The following USH2A variants were observed in gnomAD, a reference collection of about 807,000 sequenced individuals.
USH2A encodes the protein Usher syndrome 2A (autosomal recessive, mild).
A neutral mutation model predicts 538.9 loss-of-function variants in USH2A; 443 were observed. The ratio of observed to expected loss-of-function variants is 0.82; its 90% CI spans 0.76 to 0.89. USH2A has a LOEUF of 0.89. USH2A is among the 40% of genes least tolerant of loss of function. The probability of loss-of-function intolerance (pLI) is 0.00; values close to 1 mark genes in which losing one functional copy is unlikely to be tolerated. For synonymous variants in USH2A, 2,413 were observed against 2,273.5 expected (o/e 1.06, Z -1.75); for missense variants, 6,633 against 6,324.8 (o/e 1.05, Z -1.65).
At chr1:215,905,417 G>A (rs752020416) in intron 38 of USH2A, among the ~76,000 whole-genome samples, 4 of 152,016 alleles carry the variant, frequency 2.6e-5, no homozygotes, top group Non-Finnish European at 2.9e-5. Flanking sequence ...ACAAGACACT[G>A]AATACCACTC....
rs2031508696 is a variant in USH2A, at chr1:216,070,115, G to T, written c.6035C>A (p.Thr2012Lys). 6.2e-7 allele frequency: 1 copy of T among 1,614,002 alleles called. No individual in the cohort carries two copies. Among genetic ancestry groups the T allele is most frequent in the Non-Finnish European group, 8.5e-7 (1 of 1,179,908 alleles). ...MPSASAEFVN[T>K]SNLTGILTGL... ...ATTGCATTTACCTGTGAGGTTGCTT[G>T]TATTGACAAATTCAGCACTGGCAGA... The change falls in exon 30 of 72, where the codon ACA becomes AAA. Residue 2012 changes from threonine (T) to lysine (K), a missense_variant. Coordinates refer to ENST00000307340, the MANE Select transcript of USH2A (RefSeq NM_206933.4).
Position 216,061,361 on chromosome 1 carries a change from G to A in USH2A, c.6049+8740C>T, listed in dbSNP as rs887215691. On this transcript the variant is annotated intron_variant, in intron 30 of 71. Coordinates refer to ENST00000307340, the MANE Select transcript of USH2A (RefSeq NM_206933.4). Reference sequence around the variant, plus strand: ...TTACACTTAATTTTTGTCATCTTATGATATTCCTTTGCTAGTATTTTCTAT... The same window carrying A: ...TTACACTTAATTTTTGTCATCTTATAATATTCCTTTGCTAGTATTTTCTAT... Among the ~76,000 whole-genome samples, 3 of 152,022 alleles carry A rather than the reference G, an allele frequency of 2.0e-5. No homozygotes were observed. In the South Asian group the frequency reaches 6.2e-4, roughly 32 times the overall value.
chr1:216,312,209 C>T (rs1237759738), intron 9 of USH2A, among the ~76,000 whole-genome samples: 1 of 151,878 alleles, frequency 6.6e-6, no homozygotes, highest in African/African-American at 2.4e-5. Flanking sequence ...TATTTAACCA[C>T]TTTTCTTGCT....
intron 3 of USH2A, among the ~76,000 whole-genome samples, chr1:216,394,293 C>G (rs968567173): frequency 6.6e-6 from 1 of 151,092 alleles, no homozygotes; most frequent in African/African-American, 2.4e-5. Flanking sequence ...TAAACATACA[C>G]CTACCATGTG....
chr1:215,743,212 G>A lies in USH2A; in HGVS notation c.11513C>T (p.Thr3838Ile), dbSNP rs1168773052. The A allele has an allele frequency of 6.2e-7, 1 of 1,612,014 alleles. No homozygotes were observed. Among genetic ancestry groups the A allele is most frequent in the African/African-American group, 1.3e-5 (1 of 74,582 alleles). ...STLLENLTPF[T>I]QYEIRIQACQ... ...TGCTTGTATCCTTATCTCATACTGT[G>A]TGAATGGAGTCAAATTTTCCAGAAG... Residue 3838 changes from threonine to isoleucine, a missense_variant, in exon 59 of 72, where the codon ACA (threonine) becomes ATA (isoleucine). By Grantham distance (89) the Thr-to-Ile change is moderately conservative. Transcript: ENST00000307340.
At chr1:216,392,007 G>A (rs1355661977) in intron 3 of USH2A, among the ~76,000 whole-genome samples, 1 of 152,082 alleles carries the variant, frequency 6.6e-6, no homozygotes, top group African/African-American at 2.4e-5. Context: ...TTCATTCAGT[G>A]ATACATGTAA....
At chr1:215,961,271 T>C (rs1336803946) in intron 37 of USH2A, among the ~76,000 whole-genome samples, 1 of 151,894 alleles carries the variant, frequency 6.6e-6, no homozygotes, top group Non-Finnish European at 1.5e-5. Flanking sequence ...ATATGTAAAA[T>C]GTATATATTA....
intron 4 of USH2A, among the ~76,000 whole-genome samples, chr1:216,350,662 G>A (rs780056226): frequency 6.6e-6 from 1 of 152,170 alleles, no homozygotes; most frequent in Middle Eastern, 3.4e-3. Context: ...GAGCTCCCAA[G>A]GCCTTGGGAA....
chr1:216,156,218 T>C (rs902184916), intron 21 of USH2A, among the ~76,000 whole-genome samples: 2 of 152,010 alleles, frequency 1.3e-5, no homozygotes, highest in Non-Finnish European at 2.9e-5. Context: ...CATTAAGACA[T>C]TGATACATGA....
At chr1:215,993,523 C>T (rs1414844860) in intron 34 of USH2A, among the ~76,000 whole-genome samples, 1 of 151,878 alleles carries the variant, frequency 6.6e-6, no homozygotes, top group Admixed American at 6.6e-5. Flanking sequence ...CACACACACA[C>T]ACACACACAC....
At chr1:215,859,244 T>C (rs1664254355) in intron 44 of USH2A, among the ~76,000 whole-genome samples, 1 of 152,114 alleles carries the variant, frequency 6.6e-6, no homozygotes, top group South Asian at 2.1e-4. Context: ...ATTGAAAATA[T>C]AGTATTCTCA....
chr1:215,723,923 C>T (rs974071109), intron 61 of USH2A, among the ~76,000 whole-genome samples: 8 of 152,064 alleles, frequency 5.3e-5, no homozygotes, highest in African/African-American at 1.9e-4. Context: ...CCAGCAGTCT[C>T]ACTACTGGGC....
chr1:215,882,401 A>G (rs182765316), intron 41 of USH2A, among the ~76,000 whole-genome samples: 20 of 150,954 alleles, frequency 1.3e-4, no homozygotes, highest in Non-Finnish European at 3.0e-4. Context: ...ACAGAACAAG[A>G]TGTGCAATAA....
intron 11 of USH2A, among the ~76,000 whole-genome samples, chr1:216,258,818 A>C (rs1362557502): frequency 6.6e-6 from 1 of 152,136 alleles, no homozygotes; most frequent in Non-Finnish European, 1.5e-5. Context: ...CAGTCAAAGT[A>C]AAGTCTCAAA....
rs1212872055 is a variant in USH2A at position 215,994,878 on chromosome 1, G to A, written c.6658-1711C>T. ...ACCAGAAAATATGGCAGGAAAAGAG[G>A]CCATATGAGACAGCTGAGTTATCAA... On this transcript the variant is annotated intron_variant, in intron 34 of 71. Transcript: ENST00000307340. Among the ~76,000 whole-genome samples the A allele has an allele frequency of 2.6e-5, 4 of 152,100 alleles. No homozygotes were observed. In the East Asian group the frequency reaches 5.8e-4, roughly 22 times the overall value.
chr1:215,631,892 C>T (rs201318266), intron 70 of USH2A, among the ~76,000 whole-genome samples: 5 of 152,344 alleles, frequency 3.3e-5, no homozygotes, highest in East Asian at 3.9e-4. Flanking sequence ...TCCCCAGAGG[C>T]GGCTTAGCCT....
intron 50 of USH2A, among the ~76,000 whole-genome samples, chr1:215,794,921 C>T (rs1323972403): frequency 6.6e-6 from 1 of 152,106 alleles, no homozygotes; most frequent in African/African-American, 2.4e-5. Flanking sequence ...TTGTAACTTC[C>T]AAAAGATTCA....
chr1:215,729,254 C>T lies in USH2A; in HGVS notation c.11712-870G>A, dbSNP rs141088375. 4.6e-3 allele frequency among the ~76,000 whole-genome samples: 695 copies of T among 152,302 alleles called. 9 individuals are homozygous for T. The highest frequency in any genetic ancestry group is 0.016 in the African/African-American group (659 of 41,570). ...GGGAAGTCCACAGTTCCTATTTTCTCTCATGCAGCACAATGCTCTTTTGCA... is the reference window on the plus strand; with the variant it reads ...GGGAAGTCCACAGTTCCTATTTTCTTTCATGCAGCACAATGCTCTTTTGCA... On this transcript the variant is annotated intron_variant, in intron 60 of 71. Coordinates refer to ENST00000307340, the MANE Select transcript of USH2A (RefSeq NM_206933.4).
intron 9 of USH2A, among the ~76,000 whole-genome samples, chr1:216,296,643 T>C (rs746242401): frequency 6.6e-6 from 1 of 152,022 alleles, no homozygotes; most frequent in Non-Finnish European, 1.5e-5. Context: ...AGGTGACATT[T>C]ATGGAAAGTC....
Sources: gnomAD v4.1 joint callset for allele counts (sites outside exome capture counted in the v4.1 genomes callset) on GRCh38, gnomAD v4.1.1 for gene constraint, MANE v1.5 for transcripts, NCBI Gene and HGNC (gene_info 2026-07-23, HGNC 2026-07-21) for gene names.